The following OTOA variants were observed in gnomAD, a reference collection of about 807,000 sequenced individuals.
The protein encoded by OTOA is cancer/testis antigen 108.
OTOA carries 70 observed loss-of-function variants against 110.8 expected under a neutral mutation model. That is an observed-to-expected ratio of 0.63 (90% CI 0.52 to 0.77). The LOEUF is 0.77. Among genes scored for constraint, OTOA ranks in the 30% least tolerant of loss-of-function variants. OTOA has a pLI of 0.00. For missense variants in OTOA, 917 were observed against 1,075.8 expected (o/e 0.85, Z 2.06); for synonymous variants, 373 against 431.5 (o/e 0.86, Z 1.68).
chr16:21,694,344 AG>A (rs1415579471), intron 9 of OTOA, among the ~76,000 whole-genome samples: 3 of 151,956 alleles, frequency 2.0e-5, no homozygotes, highest in Admixed American at 6.6e-5. Flanking sequence ...CTGGAGGCTG[AG>A]GGGGGGAGGA....
chr16:21,696,335 G>A lies in OTOA; in HGVS notation c.740-1440G>A, dbSNP rs186037490. ...GAAGGAGATAAGAGAAGGCTTTAAG[G>A]GAGAGGAAAATTTGAGCTTGATCTT... On this transcript the variant is annotated intron_variant, in intron 9 of 28. Transcript: ENST00000646100. 1.6e-4 allele frequency among the ~76,000 whole-genome samples: 24 copies of A among 152,204 alleles called. No homozygotes were observed. In the East Asian group the frequency reaches 4.2e-3, roughly 27 times the overall value.
chr16:21,690,799 A>C (rs574414064), intron 8 of OTOA, among the ~76,000 whole-genome samples: 1 of 151,846 alleles, frequency 6.6e-6, no homozygotes, highest in African/African-American at 2.4e-5. Context: ...ACCAATTTAC[A>C]TTCAAGAAAG....
intron 6 of OTOA, among the ~76,000 whole-genome samples, chr16:21,682,533 G>A (rs932213288): frequency 3.3e-5 from 5 of 152,206 alleles, no homozygotes; most frequent in Non-Finnish European, 5.9e-5. Context: ...TAGCACAAGC[G>A]TGTTGATAGG....
intron 21 of OTOA, among the ~76,000 whole-genome samples, chr16:21,733,908 T>A (rs1398260311): frequency 6.6e-6 from 1 of 152,200 alleles, no homozygotes; most frequent in Non-Finnish European, 1.5e-5. Context: ...CAAGTGATTC[T>A]CCTGCCTCAG....
At chr16:21,736,180 G>A (rs576856296) in intron 21 of OTOA, 81 bp from the exon 22 acceptor site, 10 of 1,311,520 alleles carry the variant, frequency 7.6e-6, no homozygotes, top group African/African-American at 1.4e-5. Flanking sequence ...AGTAAGTAGT[G>A]TGACAGTTTC....
chr16:21,701,850 A>G (rs1478998902), intron 11 of OTOA, among the ~76,000 whole-genome samples: 1 of 148,962 alleles, frequency 6.7e-6, no homozygotes, highest in Non-Finnish European at 1.5e-5. Flanking sequence ...CAAACTCCTG[A>G]CCTCTTGAAC....
At chr16:21,680,498 A>G (rs1966880253) in intron 5 of OTOA, among the ~76,000 whole-genome samples, 1 of 151,910 alleles carries the variant, frequency 6.6e-6, no homozygotes, top group Non-Finnish European at 1.5e-5. Context: ...TGGGCAACAG[A>G]GTGAGACTCC....
chr16:21,693,201 TTGCAGTGAGCTGGGATTG>T (rs1278649655), intron 9 of OTOA, among the ~76,000 whole-genome samples: 3 of 152,172 alleles, frequency 2.0e-5, no homozygotes, highest in African/African-American at 7.2e-5. Flanking sequence ...GAGGCAGAAC[TTGCAGTGAGCTGGGATTG>T]TGCCACTGCA....
intron 17 of OTOA, among the ~76,000 whole-genome samples, chr16:21,720,416 G>A (rs1354027077): frequency 1.3e-5 from 2 of 152,178 alleles, no homozygotes; most frequent in Admixed American, 6.5e-5. Flanking sequence ...TTTCCAAAGA[G>A]TAAATTATCT....
At chr16:21,728,462 G>T in intron 20 of OTOA, 31 bp downstream of exon 20, 1 of 1,606,126 alleles carries the variant, frequency 6.2e-7, no homozygotes. Context: ...GCTTTTGGTG[G>T]TGTGGTATGC....
intron 19 of OTOA, among the ~76,000 whole-genome samples, chr16:21,727,446 A>G (rs1023600555): frequency 1.3e-5 from 2 of 152,176 alleles, no homozygotes; most frequent in East Asian, 1.9e-4. Flanking sequence ...TAAAAAATGG[A>G]TAATAGTAGT....
In OTOA at chr16:21,674,896, C is replaced by CTTTTT. The variant is rs60269668; in HGVS notation, c.-4-3593_-4-3589dup. On this transcript the variant is annotated intron_variant, in intron 1 of 28. Transcript: ENST00000646100. ...TTTTTGCTGGATTTTTTTTAAAAAT[C>CTTTTT]TTTTTTTTTTTTTTTTTTTTTTTTT... is the stretch of plus-strand genomic sequence containing the variant. Among the ~76,000 whole-genome samples, 12 of 29,778 alleles carry CTTTTT rather than the reference C, an allele frequency of 4.0e-4. 2 individuals are homozygous for CTTTTT. Among genetic ancestry groups the CTTTTT allele is most frequent in the African/African-American group, 1.7e-3 (9 of 5,420 alleles). The allele number at this position is 29,778 out of a possible 152,430, so 19.5% of individuals were successfully genotyped here.
At chr16:21,682,234 C>T (rs1202252907) in intron 6 of OTOA, among the ~76,000 whole-genome samples, 2 of 152,146 alleles carry the variant, frequency 1.3e-5, no homozygotes, top group African/African-American at 2.4e-5. Flanking sequence ...GAGTTATTGC[C>T]CATGTGGTGG....
Position 21,736,356 on chromosome 16 carries a change from C to T in OTOA, c.2397C>T (p.Ser799=). The change falls in exon 22 of 29, where the codon AGC becomes AGT. Residue 799 remains serine, a synonymous_variant. Coordinates refer to ENST00000646100, the MANE Select transcript of OTOA (RefSeq NM_144672.4). ...LWAVFQSVRN[S]SDKIPSYDPM... ...CTGTCTTTCAGTCTGTTCGGAACAGCAGTGATAAGATCCCCAGCTATGACC... is the reference window on the plus strand; with the variant it reads ...CTGTCTTTCAGTCTGTTCGGAACAGTAGTGATAAGATCCCCAGCTATGACC... 3 of 1,614,138 alleles carry T rather than the reference C, an allele frequency of 1.9e-6. No individual in the cohort carries two copies. The highest frequency in any genetic ancestry group is 2.2e-5 in the East Asian group (1 of 44,884).
Position 21,726,685 on chromosome 16 carries a change from C to T in OTOA, c.2016+27C>T, listed in dbSNP as rs374405304. 15 of 1,613,672 alleles carry T rather than the reference C, an allele frequency of 9.3e-6. No homozygotes were observed. In the African/African-American group the frequency reaches 1.9e-4, roughly 20 times the overall value. The stretch of plus-strand genomic sequence containing the variant: ...TAAGAAAACTCTTCCTGGGTGTCCC[C>T]TCCCTCTGGGTATCTGTGGCCATCT... On this transcript the variant is annotated intron_variant, in intron 19 of 28. Transcript: ENST00000646100.
chr16:21,701,767 T>C (rs777777545), intron 11 of OTOA, among the ~76,000 whole-genome samples: 9 of 151,904 alleles, frequency 5.9e-5, no homozygotes, highest in Admixed American at 2.0e-4. Context: ...TACAGATGTG[T>C]GCCACCATGC....
intron 17 of OTOA, 85 bp from the exon 18 acceptor site, chr16:21,722,820 T>G: frequency 8.1e-7 from 1 of 1,240,100 alleles, no homozygotes; most frequent in Non-Finnish European, 1.2e-6. Flanking sequence ...TATGAAGCAC[T>G]TAGAATAGTA....
chr16:21,685,227 C>G lies in OTOA; in HGVS notation c.268-3C>G, dbSNP rs1897689324. Reference sequence around the variant, plus strand: ...ACCGACTCTCCCAACACCCCAAATACAGGCAGCCGTGGAAAACCACCTGGA... The same window carrying G: ...ACCGACTCTCCCAACACCCCAAATAGAGGCAGCCGTGGAAAACCACCTGGA... On this transcript the variant is annotated splice_region_variant and splice_polypyrimidine_tract_variant and intron_variant, in intron 6 of 28. Coordinates refer to ENST00000646100, the MANE Select transcript of OTOA (RefSeq NM_144672.4). 1 of 1,611,662 alleles carries G rather than the reference C, an allele frequency of 6.2e-7. No individual in the cohort carries two copies.
intron 17 of OTOA, among the ~76,000 whole-genome samples, chr16:21,722,403 T>G (rs1898784453): frequency 1.5e-5 from 1 of 64,710 alleles, no homozygotes; most frequent in Non-Finnish European, 3.8e-5. Flanking sequence ...AAGCTATATA[T>G]AACTATATGT....
Sources: allele counts gnomAD v4.1 joint callset (sites outside exome capture counted in the v4.1 genomes callset), GRCh38; gene constraint gnomAD v4.1.1; transcripts MANE v1.5; gene names NCBI Gene and HGNC (gene_info 2026-07-23, HGNC 2026-07-21).